The following CDK12 variants were observed in gnomAD, a reference collection of about 807,000 sequenced individuals.
The protein encoded by CDK12 is cyclin dependent kinase 12.
In CDK12, 17 loss-of-function variants were observed where a neutral mutation model predicts 133.8. The ratio of observed to expected loss-of-function variants is 0.13; its 90% CI spans 0.09 to 0.19. The LOEUF is 0.19. Among genes scored for constraint, CDK12 ranks in the 10% least tolerant of loss-of-function variants. The probability of loss-of-function intolerance (pLI) is 1.00; values close to 1 mark genes in which losing one functional copy is unlikely to be tolerated. For missense variants in CDK12, 1,508 were observed against 1,818.7 expected, an observed-to-expected ratio of 0.83 and a Z score of 3.11; for synonymous variants, 694 against 683.6, an observed-to-expected ratio of 1.02 and a Z score of -0.24.
rs918832213 is a variant in CDK12, at chr17:39,534,037, T to C, written c.*2721T>C. ...TACATTATTTTGAACAGATGAGAAA[T>C]CTGATTCTGTTCATGAGTGGGAGGC... On this transcript the variant is annotated 3_prime_UTR_variant, in exon 14 of 14. Transcript: ENST00000447079. 4.3e-6 allele frequency: 1 copy of C among 232,536 alleles called. No homozygotes were observed. The allele number at this position is 232,536 out of a possible 1,614,324, so 14.4% of individuals were successfully genotyped here. A position where few individuals can be genotyped will look rare whatever the true frequency, so the allele number is the denominator to read the frequency against.
At chr17:39,489,766 ACAGGCTTGAG>A (rs2051431515) in intron 2 of CDK12, among the ~76,000 whole-genome samples, 1 of 147,926 alleles carries the variant, frequency 6.8e-6, no homozygotes, top group Non-Finnish European at 1.5e-5. Flanking sequence ...TGCTGGGATT[ACAGGCTTGAG>A]CCACCGTGCC....
Position 39,520,099 on chromosome 17 carries a change from T to G in CDK12, c.3095+12T>G. ...ATGGCTCCTCCAGAGTAAGTGCTGGTAGCCATGTTGTGACCCTAAATCTTT... is the reference window on the plus strand; with the variant it reads ...ATGGCTCCTCCAGAGTAAGTGCTGGGAGCCATGTTGTGACCCTAAATCTTT... On this transcript the variant is annotated intron_variant, in intron 11 of 13. Coordinates refer to ENST00000447079, the MANE Select transcript of CDK12 (RefSeq NM_016507.4). The G allele has an allele frequency of 1.9e-6, 3 of 1,613,748 alleles. No homozygotes were observed. The highest frequency in any genetic ancestry group is 2.5e-6 in the Non-Finnish European group (3 of 1,179,836).
At chr17:39,502,853 G>T (rs936693665) in intron 6 of CDK12, among the ~76,000 whole-genome samples, 8 of 152,098 alleles carry the variant, frequency 5.3e-5, no homozygotes, top group South Asian at 2.1e-4. Flanking sequence ...CTGTAAACAG[G>T]TCAGTATTTC....
At chr17:39,530,038 T>G (rs952796634) in intron 13 of CDK12, 2 of 152,300 alleles carry the variant, frequency 1.3e-5, no homozygotes, top group Non-Finnish European at 2.9e-5. Flanking sequence ...GAGAAGCAAG[T>G]GTATTTTTAT....
rs1555553398 is a variant in CDK12, at chr17:39,476,711, C to CATTTTTTTTTTTTTTTTTT, written c.1931+4948_1931+4949insATTTTTTTTTTTTTTTTTT. On this transcript the variant is annotated intron_variant, in intron 2 of 13. Coordinates refer to ENST00000447079, the MANE Select transcript of CDK12 (RefSeq NM_016507.4). ...TACAGGCATGAGCCACCATGCCTGC[C>CATTTTTTTTTTTTTTTTTT]TTTTTTTTTTTTTTTTTTTTTTTTT... 1.6e-3 allele frequency among the ~76,000 whole-genome samples: 133 copies of CATTTTTTTTTTTTTTTTTT among 84,530 alleles called. 50 individuals carry two copies. The highest frequency in any genetic ancestry group is 1.8e-3 in the Non-Finnish European group (86 of 48,030). The allele number at this position is 84,530 out of a possible 152,430, so 55.5% of individuals were successfully genotyped here. A position where few individuals can be genotyped will look rare whatever the true frequency, so the allele number is the denominator to read the frequency against.
At position 39,470,937 on chromosome 17, in the gene CDK12, C is replaced by T. The variant is rs2145185663; in HGVS notation, c.1105C>T (p.His369Tyr). The change falls in exon 2 of 14, where the codon CAT becomes TAT. Residue 369 changes from histidine to tyrosine, a missense_variant. His to Tyr is a moderately conservative substitution (Grantham distance 83, BLOSUM62 2). Coordinates refer to ENST00000447079, the MANE Select transcript of CDK12 (RefSeq NM_016507.4). Reference protein sequence around the residue: ...SPAYSRHSSSHSKKKRSSSRS... With the variant: ...SPAYSRHSSSYSKKKRSSSRS... ...TGCATATTCAAGACATTCATCTTCTCATAGTAAAAAGAAGAGATCCAGTTC... is the reference window on the plus strand; with the variant it reads ...TGCATATTCAAGACATTCATCTTCTTATAGTAAAAAGAAGAGATCCAGTTC... The T allele has an allele frequency of 1.2e-6, 2 of 1,613,158 alleles. No individual in the cohort carries two copies. The highest frequency in any genetic ancestry group is 1.1e-5 in the South Asian group (1 of 90,888).
At chr17:39,491,832 A>G (rs116076040) in intron 3 of CDK12, among the ~76,000 whole-genome samples, 2,223 of 150,526 alleles carry the variant, frequency 0.015, 60 homozygotes, top group African/African-American at 0.051. Context: ...AAAAATGTAT[A>G]AAAGATACAG....
At chr17:39,545,953 G>A (rs1425817608), upstream of CDK12, among the ~76,000 whole-genome samples, 2 of 150,490 alleles carry the variant, frequency 1.3e-5, no homozygotes, top group Non-Finnish European at 3.0e-5. Flanking sequence ...CCGCCACCAC[G>A]CCTGGCTAAT....
chr17:39,525,271 A>G (rs1443077344), intron 12 of CDK12, among the ~76,000 whole-genome samples: 1 of 152,198 alleles, frequency 6.6e-6, no homozygotes, highest in Non-Finnish European at 1.5e-5. Flanking sequence ...GTAGTGTTAA[A>G]TTACAATTGC....
At chr17:39,499,867 C>T (rs1437088747) in intron 5 of CDK12, among the ~76,000 whole-genome samples, 3 of 152,074 alleles carry the variant, frequency 2.0e-5, no homozygotes, top group Non-Finnish European at 2.9e-5. Flanking sequence ...ATGTCCCTGG[C>T]GTATTGAGTC....
At chr17:39,490,021 A>G (rs2145808415) in intron 2 of CDK12, among the ~76,000 whole-genome samples, 1 of 152,072 alleles carries the variant, frequency 6.6e-6, no homozygotes, top group Non-Finnish European at 1.5e-5. Flanking sequence ...AACTGCAAGT[A>G]ATATCACAAA....
chr17:39,476,431 T>G (rs1468664243), intron 2 of CDK12, among the ~76,000 whole-genome samples: 1 of 151,920 alleles, frequency 6.6e-6, no homozygotes, highest in Non-Finnish European at 1.5e-5. Flanking sequence ...TATTTATTTA[T>G]TTTTTGAGAT....
chr17:39,534,266 TG>T lies in CDK12; in HGVS notation c.*2951del. The T allele has an allele frequency of 4.3e-6, 1 of 232,900 alleles. No individual in the cohort carries two copies. 14.4% of individuals were successfully genotyped at this position (232,900 alleles called of 1,614,324 possible). On this transcript the variant is annotated 3_prime_UTR_variant, in exon 14 of 14. Transcript: ENST00000447079. ...ATGCCATAGACATCACCCAACCACT[TG>T]TATGTGTGTGTGTATATATAATATG...
rs552850258 is a variant in CDK12, at chr17:39,553,750, G to C, written n.357-2536G>C. 5.3e-5 allele frequency among the ~76,000 whole-genome samples: 8 copies of C among 152,352 alleles called. No individual in the cohort carries two copies. In the South Asian group the frequency reaches 1.7e-3, roughly 32 times the overall value. ...TGCCTGGCTGGAGGAAGGAAAGAGG[G>C]AGAAGGCTGCTGGTAGCTCAGCAAG... On this transcript the variant is annotated intron_variant and non_coding_transcript_variant, in intron 2 of 3. Coordinates refer to the CDK12 transcript ENST00000558240.
chr17:39,498,840 C>A (rs2052347036), intron 5 of CDK12, among the ~76,000 whole-genome samples: 1 of 151,320 alleles, frequency 6.6e-6, no homozygotes, highest in Non-Finnish European at 1.5e-5. Flanking sequence ...TTTGTTGATT[C>A]ATTTTTCTCT....
At chr17:39,488,386 C>CT (rs1041655648) in intron 2 of CDK12, among the ~76,000 whole-genome samples, 1 of 152,088 alleles carries the variant, frequency 6.6e-6, no homozygotes, top group African/African-American at 2.4e-5. Context: ...TGCTTGGACC[C>CT]TTTTTCTTTA....
intron 11 of CDK12, among the ~76,000 whole-genome samples, chr17:39,524,352 A>G (rs1598169527): frequency 6.6e-6 from 1 of 152,232 alleles, no homozygotes; most frequent in East Asian, 1.9e-4. Flanking sequence ...AAACTTGACC[A>G]ATACTGTTCT....
chr17:39,547,129 A>ATTTTTTTTTT (rs34569985), upstream of CDK12, among the ~76,000 whole-genome samples: 1 of 90,610 alleles, frequency 1.1e-5, no homozygotes, highest in Non-Finnish European at 2.1e-5. Context: ...GAGTACTAGG[A>ATTTTTTTTTT]TTTTTTTTTT....
chr17:39,502,211 G>A (rs978858697), intron 6 of CDK12, among the ~76,000 whole-genome samples: 9 of 151,648 alleles, frequency 5.9e-5, no homozygotes, highest in Non-Finnish European at 1.5e-5. Flanking sequence ...GGAGTGCAGT[G>A]GCGCGATCTC....
Sources: allele counts gnomAD v4.1 joint callset (sites outside exome capture counted in the v4.1 genomes callset), GRCh38; gene constraint gnomAD v4.1.1; transcripts MANE v1.5; gene names NCBI Gene and HGNC (gene_info 2026-07-23, HGNC 2026-07-21).